Variants in SYN2 observed in about 807,000 individuals in gnomAD.
SYN2 encodes the protein synapsin II.
A neutral mutation model predicts 50.9 loss-of-function variants in SYN2; 19 were observed. The observed-to-expected ratio is 0.37, with a 90% CI of 0.26 to 0.55. The LOEUF (loss-of-function observed/expected upper bound fraction) is 0.55. SYN2 is among the 20% of genes least tolerant of loss of function. The pLI, the probability that SYN2 is intolerant of heterozygous loss-of-function variation, is 0.81. For synonymous variants in SYN2, 255 were observed against 224.9 expected (o/e 1.13, Z -1.20); for missense variants, 587 against 576.4 (o/e 1.02, Z -0.19).
intron 1 of SYN2, chr3:12,071,320 TACA>T (rs1695349611): frequency 1.8e-6 from 1 of 568,464 alleles, no homozygotes; most frequent in Admixed American, 1.9e-5. Flanking sequence ...CAAGCAGGAG[TACA>T]ACAAGTTGGC....
chr3:12,004,522 GC>G lies in SYN2; in HGVS notation c.-26del. The G allele has an allele frequency of 1.8e-6, 1 of 563,852 alleles. No individual in the cohort carries two copies. Among genetic ancestry groups the G allele is most frequent in the South Asian group, 2.0e-5 (1 of 50,638 alleles). 34.9% of individuals were successfully genotyped at this position (563,852 alleles called of 1,614,324 possible). A position where few individuals can be genotyped will look rare whatever the true frequency, so the allele number is the denominator to read the frequency against. On this transcript the variant is annotated 5_prime_UTR_variant, in exon 1 of 13. Transcript: ENST00000621198. ...TCCCTCCGCGCCACCAGACCCCGTA[GC>G]CCCGCGCGCCCCCAGCCCTTTAAGC... is the stretch of plus-strand genomic sequence containing the variant.
intron 1 of SYN2, among the ~76,000 whole-genome samples, chr3:12,073,651 T>G (rs879422432): frequency 1.3e-4 from 20 of 152,236 alleles, no homozygotes; most frequent in Non-Finnish European, 1.5e-5. Context: ...TCTGTCATCT[T>G]TAACCACAAG....
intron 10 of SYN2, among the ~76,000 whole-genome samples, chr3:12,182,660 C>G (rs957499502): frequency 1.3e-5 from 2 of 152,244 alleles, no homozygotes; most frequent in African/African-American, 4.8e-5. Flanking sequence ...ATGACGACCC[C>G]TTTCTTTAAG....
chr3:12,045,005 T>A (rs939930603), intron 1 of SYN2, among the ~76,000 whole-genome samples: 1 of 152,164 alleles, frequency 6.6e-6, no homozygotes, highest in African/African-American at 2.4e-5. Context: ...GTCATGCAGC[T>A]AAGAAGTGGT....
At chr3:12,136,581 G>A (rs147171182) in intron 1 of SYN2, among the ~76,000 whole-genome samples, 2 of 152,298 alleles carry the variant, frequency 1.3e-5, no homozygotes, top group East Asian at 3.9e-4. Flanking sequence ...AAGTTTTGTG[G>A]GGGCGTTAGG....
chr3:12,007,179 T>A (rs1693818865), intron 1 of SYN2, among the ~76,000 whole-genome samples: 1 of 152,228 alleles, frequency 6.6e-6, no homozygotes, highest in Non-Finnish European at 1.5e-5. Flanking sequence ...ACTAGAGAAT[T>A]TGCCTTGCCC....
chr3:12,123,455 T>G (rs1696603951), intron 1 of SYN2, among the ~76,000 whole-genome samples: 1 of 152,140 alleles, frequency 6.6e-6, no homozygotes, highest in Non-Finnish European at 1.5e-5. Context: ...AATTTTCTAC[T>G]TAGTTAAGCC....
In SYN2 at chr3:12,192,006, T is replaced by TA. The variant is rs548606982; in HGVS notation, c.*1387dup. Among the ~76,000 whole-genome samples the TA allele has an allele frequency of 2.7e-3, 418 of 152,278 alleles. 2 individuals carry two copies. Among genetic ancestry groups the TA allele is most frequent in the South Asian group, 0.01 (49 of 4,820 alleles). On this transcript the variant is annotated 3_prime_UTR_variant, in exon 13 of 13. Transcript: ENST00000621198. ...AAGATAAACACTACATCTGCACCAA[T>TA]AAAAAATCCATATATTAAAATGTTA...
chr3:12,104,730 C>A (rs1386878625), intron 1 of SYN2, among the ~76,000 whole-genome samples: 1 of 151,770 alleles, frequency 6.6e-6, no homozygotes, highest in African/African-American at 2.4e-5. Context: ...TGCCACTATG[C>A]CTGGTGAATT....
chr3:12,180,511 G>A (rs1698197592), intron 10 of SYN2, among the ~76,000 whole-genome samples: 1 of 152,248 alleles, frequency 6.6e-6, no homozygotes, highest in Non-Finnish European at 1.5e-5. Flanking sequence ...TCCCATGGTA[G>A]CCAAGCCCCA....
intron 3 of SYN2, among the ~76,000 whole-genome samples, chr3:12,144,039 G>A (rs980102381): frequency 2.0e-5 from 3 of 152,206 alleles, no homozygotes; most frequent in Non-Finnish European, 2.9e-5. Flanking sequence ...GAACCAAGTA[G>A]GTCATTGTAT....
intron 5 of SYN2, chr3:12,153,008 G>GT (rs2125226493): frequency 4.8e-6 from 1 of 208,310 alleles, no homozygotes; most frequent in African/African-American, 2.2e-5. Flanking sequence ...AGATGAAAGT[G>GT]TATCAGAGGA....
intron 1 of SYN2, among the ~76,000 whole-genome samples, chr3:12,075,980 C>T (rs1695458960): frequency 6.6e-6 from 1 of 152,122 alleles, no homozygotes; most frequent in Admixed American, 6.6e-5. Flanking sequence ...ACTTAATCTT[C>T]ACGACAATCC....
At chr3:12,145,160 G>C (rs887148920) in intron 3 of SYN2, among the ~76,000 whole-genome samples, 2 of 152,196 alleles carry the variant, frequency 1.3e-5, no homozygotes, top group African/African-American at 4.8e-5. Context: ...CCAGCACTTT[G>C]GGTGACTGAC....
At chr3:12,154,577 GC>G (rs1335977464) in intron 5 of SYN2, 1 of 961,906 alleles carries the variant, frequency 1.0e-6, no homozygotes, top group African/African-American at 1.6e-5. Flanking sequence ...GTGGCATGGG[GC>G]TCAGTGAAGG....
At position 12,183,764 on chromosome 3, in the gene SYN2, A is replaced by G. The variant is rs2289707; in HGVS notation, c.1369+392A>G. The G allele has an allele frequency of 2.5e-5, 28 of 1,127,232 alleles. No homozygotes were observed. In the East Asian group the frequency reaches 1.5e-3, roughly 60 times the overall value. 69.8% of individuals were successfully genotyped at this position (1,127,232 alleles called of 1,614,324 possible). On this transcript the variant is annotated intron_variant, in intron 11 of 12. Coordinates refer to ENST00000621198, the MANE Select transcript of SYN2 (RefSeq NM_133625.6). ...GTGGTTTGATAGTGTTTTTAAAAGT[A>G]ATATATAATGTGGGGTGAAATGGGA...
At chr3:12,183,731 T>A in intron 11 of SYN2, 1 of 1,199,908 alleles carries the variant, frequency 8.3e-7, no homozygotes, top group South Asian at 2.0e-5. Flanking sequence ...TGTGACTTTA[T>A]CTTCTGGGTG....
At chr3:12,095,011 TTAGA>T (rs1559417456) in intron 1 of SYN2, among the ~76,000 whole-genome samples, 2 of 152,154 alleles carry the variant, frequency 1.3e-5, no homozygotes, top group Non-Finnish European at 2.9e-5. Flanking sequence ...ACTGATGTTC[TTAGA>T]TAGAAGAGAG....
rs1280154058 is a variant in SYN2 at position 12,157,547 on chromosome 3, A to G, written c.775-3999A>G. 2.0e-6 allele frequency: 3 copies of G among 1,508,268 alleles called. No homozygotes were observed. In the African/African-American group the frequency reaches 4.1e-5, roughly 21 times the overall value. The allele number at this position is 1,508,268 out of a possible 1,614,324, so 93.4% of individuals were successfully genotyped here. A position where few individuals can be genotyped will look rare whatever the true frequency, so the allele number is the denominator to read the frequency against. Reference sequence around the variant, plus strand: ...TGGGGGCAATACACCTGAGGTCTGGATGATCCAGGGTCCATGAAGAAGTCT... The same window carrying G: ...TGGGGGCAATACACCTGAGGTCTGGGTGATCCAGGGTCCATGAAGAAGTCT... On this transcript the variant is annotated intron_variant, in intron 5 of 12. Transcript: ENST00000621198.
Sources: allele counts gnomAD v4.1 joint callset (sites outside exome capture counted in the v4.1 genomes callset), GRCh38; gene constraint gnomAD v4.1.1; transcripts MANE v1.5; gene names NCBI Gene and HGNC (gene_info 2026-07-23, HGNC 2026-07-21).